Variants in UBE2O observed in about 807,000 individuals in gnomAD.
UBE2O encodes (E3-independent) E2 ubiquitin-conjugating enzyme.
UBE2O carries 15 observed loss-of-function variants against 125.8 expected under a neutral mutation model. The observed-to-expected ratio is 0.12, with a 90% CI of 0.08 to 0.18. The LOEUF (loss-of-function observed/expected upper bound fraction) is 0.18, where lower values mean the gene tolerates loss of function less well. UBE2O is among the 10% of genes least tolerant of loss of function. UBE2O has a pLI of 1.00. For missense variants in UBE2O, 1,280 were observed against 1,723.6 expected, an observed-to-expected ratio of 0.74 and a Z score of 4.56; for synonymous variants, 708 against 703.2, an observed-to-expected ratio of 1.01 and a Z score of -0.11.
Position 76,449,093 on chromosome 17 carries a change from T to C in UBE2O, c.417+3632A>G, listed in dbSNP as rs1460828063. 3.9e-5 allele frequency among the ~76,000 whole-genome samples: 6 copies of C among 152,384 alleles called. No individual in the cohort carries two copies. The East Asian group carries it at 1.2e-3, about 29-fold the overall frequency. Reference sequence around the variant, plus strand: ...AGAACTTACTTTGTTTCTGTTGCTATTTTCATGAAGGCAGCAGGGAAAGGA... The same window carrying C: ...AGAACTTACTTTGTTTCTGTTGCTACTTTCATGAAGGCAGCAGGGAAAGGA... On this transcript the variant is annotated intron_variant, in intron 1 of 17. Transcript: ENST00000319380.
In UBE2O at chr17:76,390,764, A is replaced by G; in HGVS notation, c.*179T>C. 1 of 556,220 alleles carries G rather than the reference A, an allele frequency of 1.8e-6. No homozygotes were observed. Among genetic ancestry groups the G allele is most frequent in the Non-Finnish European group, 3.0e-6 (1 of 335,844 alleles). 34.5% of individuals were successfully genotyped at this position (556,220 alleles called of 1,614,324 possible). A position where few individuals can be genotyped will look rare whatever the true frequency, so the allele number is the denominator to read the frequency against. On this transcript the variant is annotated 3_prime_UTR_variant, in exon 18 of 18. Coordinates refer to ENST00000319380, the MANE Select transcript of UBE2O (RefSeq NM_022066.4). Reference sequence around the variant, plus strand: ...CTGTTGAAAGCTCGCTTCAAAATAGAAACGGCAGCATCTCAACACACTTCT... The same window carrying G: ...CTGTTGAAAGCTCGCTTCAAAATAGGAACGGCAGCATCTCAACACACTTCT...
At chr17:76,446,295 A>T (rs936394328) in intron 1 of UBE2O, among the ~76,000 whole-genome samples, 3 of 152,210 alleles carry the variant, frequency 2.0e-5, no homozygotes, top group Non-Finnish European at 4.4e-5. Context: ...CGTGCCCAGG[A>T]CTGTTGTGCT....
At chr17:76,422,008 G>C (rs2072720467) in intron 1 of UBE2O, among the ~76,000 whole-genome samples, 1 of 152,224 alleles carries the variant, frequency 6.6e-6, no homozygotes, top group Admixed American at 6.5e-5. Flanking sequence ...GGAAGATGGA[G>C]ATGTCTCAAA....
At position 76,396,022 on chromosome 17, in the gene UBE2O, C is replaced by T; in HGVS notation, c.2809+106G>A. On this transcript the variant is annotated intron_variant, in intron 14 of 17. Coordinates refer to ENST00000319380, the MANE Select transcript of UBE2O (RefSeq NM_022066.4). The surrounding 1 kb of genome is among the most constrained non-coding windows in gnomAD (Gnocchi z 6.7). ...GAAATGGTTTGCCCTGGGGCAGTAG[C>T]TGGGGTCTGGCGAGGGGACTAACCA... 1.4e-6 allele frequency: 2 copies of T among 1,480,234 alleles called. No individual in the cohort carries two copies. Among genetic ancestry groups the T allele is most frequent in the Non-Finnish European group, 9.2e-7 (1 of 1,086,178 alleles). 91.7% of individuals were successfully genotyped at this position (1,480,234 alleles called of 1,614,324 possible). A position where few individuals can be genotyped will look rare whatever the true frequency, so the allele number is the denominator to read the frequency against.
In UBE2O at chr17:76,391,395, C is replaced by T. The variant is rs781364579; in HGVS notation, c.3427G>A (p.Glu1143Lys). The stretch of plus-strand genomic sequence containing the variant: ...AGGGCATGGGTTTCCAGCCAGGACT[C>T]GATACGGTTCACCAGCCGCCAGCCA... ...TGGWRLVNRI[E>K]SWLETHALLE... Residue 1143 changes from glutamate to lysine, a missense_variant, in exon 18 of 18, where the codon GAG becomes AAG. By Grantham distance (56) the Glu-to-Lys change is moderately conservative (BLOSUM62 1). Coordinates refer to ENST00000319380, the MANE Select transcript of UBE2O (RefSeq NM_022066.4). The surrounding 1 kb of genome is among the most constrained non-coding windows in gnomAD (Gnocchi z 8.4). The T allele has an allele frequency of 3.0e-5, 48 of 1,613,296 alleles. No individual in the cohort carries two copies. The highest frequency in any genetic ancestry group is 3.9e-5 in the Non-Finnish European group (46 of 1,180,044).
Position 76,405,717 on chromosome 17 carries a change from C to A in UBE2O, c.418-145G>T. ...GTTTGGCTAGCAGTATCTTCACAGA[C>A]CGCACACACCTCCGACCAGCACCCA... On this transcript the variant is annotated intron_variant, in intron 1 of 17. Coordinates refer to ENST00000319380, the MANE Select transcript of UBE2O (RefSeq NM_022066.4). This position sits in a 1 kb window ranked among gnomAD's most constrained non-coding sequence, Gnocchi z 6.1. 1.4e-6 allele frequency: 1 copy of A among 729,120 alleles called. No homozygotes were observed. The highest frequency in any genetic ancestry group is 2.3e-6 in the Non-Finnish European group (1 of 437,858). The allele number at this position is 729,120 out of a possible 1,614,324, so 45.2% of individuals were successfully genotyped here. A position where few individuals can be genotyped will look rare whatever the true frequency, so the allele number is the denominator to read the frequency against.
At chr17:76,432,201 C>T (rs1257244305) in intron 1 of UBE2O, among the ~76,000 whole-genome samples, 5 of 152,106 alleles carry the variant, frequency 3.3e-5, no homozygotes, top group East Asian at 1.9e-4. Flanking sequence ...CACACACACC[C>T]GACACTCTCA....
intron 1 of UBE2O, among the ~76,000 whole-genome samples, chr17:76,420,670 C>T (rs961292353): frequency 6.6e-6 from 1 of 152,146 alleles, no homozygotes; most frequent in Admixed American, 6.5e-5. Flanking sequence ...TTCTTTTTCA[C>T]AGAGAAGCAG....
chr17:76,429,156 T>A (rs2072862174), intron 1 of UBE2O, among the ~76,000 whole-genome samples: 1 of 151,766 alleles, frequency 6.6e-6, no homozygotes, highest in South Asian at 2.1e-4. Context: ...CGCCTCGGCC[T>A]CCCAAAGTGC....
chr17:76,444,136 G>A (rs996358202), intron 1 of UBE2O, among the ~76,000 whole-genome samples: 1 of 152,116 alleles, frequency 6.6e-6, no homozygotes, highest in African/African-American at 2.4e-5. Context: ...CAGGAGAATC[G>A]CTAGAACCCA....
chr17:76,399,269 A>C lies in UBE2O; in HGVS notation c.1628+180T>G. The C allele has an allele frequency of 1.4e-6, 1 of 738,692 alleles. No homozygotes were observed. The highest frequency in any genetic ancestry group is 2.6e-5 in the East Asian group (1 of 37,766). The allele number at this position is 738,692 out of a possible 1,614,324, so 45.8% of individuals were successfully genotyped here. A position where few individuals can be genotyped will look rare whatever the true frequency, so the allele number is the denominator to read the frequency against. On this transcript the variant is annotated intron_variant, in intron 9 of 17. Transcript: ENST00000319380. The surrounding 1 kb of genome is among the most constrained non-coding windows in gnomAD (Gnocchi z 6.9). ...CATCCCACCCTCTGCACCACTCCTC[A>C]GTCTCTGCTTTCCACCAGGGCCTAC... is the stretch of plus-strand genomic sequence containing the variant.
intron 1 of UBE2O, among the ~76,000 whole-genome samples, chr17:76,425,037 A>C (rs964068550): frequency 6.6e-6 from 1 of 151,030 alleles, no homozygotes; most frequent in African/African-American, 2.4e-5. Context: ...CGCCCAGCTA[A>C]CTTTTTTGTA....
intron 1 of UBE2O, among the ~76,000 whole-genome samples, chr17:76,431,357 C>CAA (rs57655728): frequency 2.6e-5 from 4 of 150,994 alleles, no homozygotes; most frequent in South Asian, 2.1e-4. Context: ...ACTAAAGATA[C>CAA]AAAAAAAAAT....
chr17:76,430,966 C>A, intron 1 of UBE2O: 1 of 305,940 alleles, frequency 3.3e-6, no homozygotes, highest in Admixed American at 4.2e-5. Context: ...GGTAGTGCTT[C>A]ACTTCTTCGT....
chr17:76,398,502 G>A lies in UBE2O; in HGVS notation c.1866C>T (p.Phe622=), dbSNP rs2072256519. The A allele has an allele frequency of 1.9e-6, 3 of 1,613,990 alleles. No homozygotes were observed. In the Admixed American group the frequency reaches 5.0e-5, roughly 27 times the overall value. The part of the protein sequence containing the change: ...HIGRTCMVKW[F]KLRPSGDDVE... Reference sequence around the variant, plus strand: ...CGTCGTCCCCACTCGGCCTCAGCTTGAACCACTTCACCATGCAGGTACGGC... The same window carrying A: ...CGTCGTCCCCACTCGGCCTCAGCTTAAACCACTTCACCATGCAGGTACGGC... The change falls in exon 11 of 18, where the codon TTC becomes TTT. Residue 622 remains phenylalanine (F), a synonymous_variant. Transcript: ENST00000319380. This position sits in a 1 kb window ranked among gnomAD's most constrained non-coding sequence, Gnocchi z 5.4.
chr17:76,426,504 C>T (rs1598610693), intron 1 of UBE2O, among the ~76,000 whole-genome samples: 1 of 152,162 alleles, frequency 6.6e-6, no homozygotes, highest in East Asian at 1.9e-4. Flanking sequence ...TCTTTGCTCT[C>T]TTTCTTTTAG....
chr17:76,452,717 C>A lies in UBE2O; in HGVS notation c.417+8G>T, dbSNP rs781007644. 70 of 1,404,230 alleles carry A rather than the reference C, an allele frequency of 5.0e-5. 1 individual carries two copies. The African/African-American group carries it at 9.4e-4, about 19-fold the overall frequency. 87.0% of individuals were successfully genotyped at this position (1,404,230 alleles called of 1,614,324 possible). On this transcript the variant is annotated splice_region_variant and intron_variant, in intron 1 of 17. Transcript: ENST00000319380. The surrounding 1 kb of genome is among the most constrained non-coding windows in gnomAD (Gnocchi z 4.4). The stretch of plus-strand genomic sequence containing the variant: ...CCGCCCGCGCCGCCCAGCCCCCGCC[C>A]GCCGCACCTTGGTCTCCTTCACATG...
At chr17:76,419,215 T>C (rs2072667544) in intron 1 of UBE2O, among the ~76,000 whole-genome samples, 2 of 127,858 alleles carry the variant, frequency 1.6e-5, no homozygotes, top group South Asian at 4.9e-4. Context: ...GCCCAGGGGG[T>C]CAAGGCTGCA....
At chr17:76,412,805 C>T (rs1047861991) in intron 1 of UBE2O, among the ~76,000 whole-genome samples, 5 of 152,170 alleles carry the variant, frequency 3.3e-5, no homozygotes, top group African/African-American at 1.2e-4. Flanking sequence ...GTCAGGAGTT[C>T]GAGACCAGCC....
Sources: allele counts gnomAD v4.1 joint callset (sites outside exome capture counted in the v4.1 genomes callset), GRCh38; gene constraint gnomAD v4.1.1; non-coding constraint Gnocchi (gnomAD v3.1); transcripts MANE v1.5; gene names NCBI Gene and HGNC (gene_info 2026-07-23, HGNC 2026-07-21).